Variants in GPR155 observed in about 807,000 individuals in gnomAD.
The protein encoded by GPR155 is lysosomal cholesterol signaling protein.
Under a neutral mutation model 93.1 loss-of-function variants are expected in GPR155, and 65 were observed. That is an observed-to-expected ratio of 0.70 (90% CI 0.57 to 0.86). The LOEUF (loss-of-function observed/expected upper bound fraction) is 0.86, where lower values mean the gene tolerates loss of function less well. Ranked by LOEUF, GPR155 falls within the 40% of genes least tolerant of loss-of-function variation. The pLI, the probability that GPR155 is intolerant of heterozygous loss-of-function variation, is 0.00. For missense variants in GPR155, 838 were observed against 1,034.8 expected, an observed-to-expected ratio of 0.81 and a Z score of 2.61; for synonymous variants, 319 against 360.1, an observed-to-expected ratio of 0.89 and a Z score of 1.29.
intron 2 of GPR155, among the ~76,000 whole-genome samples, chr2:174,480,172 G>C (rs2105738967): frequency 6.6e-6 from 1 of 152,292 alleles, no homozygotes; most frequent in Middle Eastern, 3.4e-3. Context: ...CTGCTCAGAA[G>C]ACATATCATC....
chr2:174,452,649 C>CT (rs142067219), intron 11 of GPR155, among the ~76,000 whole-genome samples: 17,776 of 151,412 alleles, frequency 0.12, 3,475 homozygotes, highest in African/African-American at 0.41. Flanking sequence ...AAGGTTATTA[C>CT]TTTTTTTTTC....
Position 174,436,179 on chromosome 2 carries a change from G to C in GPR155, c.2550C>G (p.Leu850=). 1 of 1,613,952 alleles carries C rather than the reference G, an allele frequency of 6.2e-7. No individual in the cohort carries two copies. The highest frequency in any genetic ancestry group is 1.1e-5 in the South Asian group (1 of 91,078). Residue 850 remains leucine (L), a synonymous_variant, in exon 16 of 16, where the codon CTC becomes CTG. Transcript: ENST00000392552. ...CAATTTCTTTATATCTTTCCTGTTGGAGAGTGTTTGCATTAATAGCAGGAG... is the reference window on the plus strand; with the variant it reads ...CAATTTCTTTATATCTTTCCTGTTGCAGAGTGTTTGCATTAATAGCAGGAG... ...QSPPAINANT[L]QQERYKEIEH...
At chr2:174,470,578 A>G in intron 3 of GPR155, 23 bp from the exon 4 acceptor site, 3 of 1,603,522 alleles carry the variant, frequency 1.9e-6, no homozygotes, top group South Asian at 1.1e-5. Context: ...GAAAAACATC[A>G]TTTACCTGAT....
intron 2 of GPR155, among the ~76,000 whole-genome samples, chr2:174,477,173 A>G (rs185454701): frequency 1.6e-4 from 25 of 152,138 alleles, no homozygotes; most frequent in Admixed American, 5.2e-4. Flanking sequence ...TACTTTTAAA[A>G]CTTTATTTTT....
intron 11 of GPR155, among the ~76,000 whole-genome samples, chr2:174,450,179 G>A (rs989883063): frequency 2.0e-5 from 3 of 150,544 alleles, no homozygotes; most frequent in Non-Finnish European, 3.0e-5. Context: ...GCAGCAACAC[G>A]GATGCATCTG....
rs1007502280 is a variant in GPR155 at position 174,434,207 on chromosome 2, G to A, written c.*1909C>T. The A allele has an allele frequency of 5.3e-5, 8 of 150,156 alleles. No individual in the cohort carries two copies. Among genetic ancestry groups the A allele is most frequent in the East Asian group, 2.0e-4 (1 of 5,126 alleles). The allele number at this position is 150,156 out of a possible 1,614,324, so 9.3% of individuals were successfully genotyped here. On this transcript the variant is annotated 3_prime_UTR_variant, in exon 16 of 16. Transcript: ENST00000392552. ...GCTGGTCTCGAACTCCTGGGCTGAA[G>A]CAATTCACCTGCCTCGGCCTCCCAA...
At chr2:174,452,073 T>C (rs1687336985) in intron 11 of GPR155, among the ~76,000 whole-genome samples, 1 of 152,192 alleles carries the variant, frequency 6.6e-6, no homozygotes, top group African/African-American at 2.4e-5. Flanking sequence ...TACTACTAGG[T>C]ATATTGTGTA....
At chr2:174,469,566 A>G (rs1048809136) in intron 4 of GPR155, among the ~76,000 whole-genome samples, 3 of 152,168 alleles carry the variant, frequency 2.0e-5, no homozygotes, top group African/African-American at 7.2e-5. Flanking sequence ...ATACATTTAG[A>G]CACTGTTAAT....
intron 10 of GPR155, 118 bp downstream of exon 10, chr2:174,459,760 G>T: frequency 1.5e-6 from 1 of 677,986 alleles, no homozygotes; most frequent in East Asian, 2.8e-5. Flanking sequence ...TGGCAGAATC[G>T]CTTAAACACA....
chr2:174,480,190 C>G (rs1335379685), intron 2 of GPR155, among the ~76,000 whole-genome samples: 1 of 152,166 alleles, frequency 6.6e-6, no homozygotes, highest in Non-Finnish European at 1.5e-5. Flanking sequence ...ATCAGAGAGG[C>G]CTTCATTGAC....
chr2:174,476,686 C>A (rs990651184), intron 2 of GPR155, among the ~76,000 whole-genome samples: 10 of 152,252 alleles, frequency 6.6e-5, no homozygotes, highest in Admixed American at 5.2e-4. Context: ...TGCTTATCCA[C>A]CCCATCCTTA....
intron 2 of GPR155, among the ~76,000 whole-genome samples, chr2:174,480,696 C>A (rs1688292977): frequency 6.6e-6 from 1 of 152,088 alleles, no homozygotes; most frequent in South Asian, 2.1e-4. Flanking sequence ...AAAGCTCTCA[C>A]CATTTTTTTT....
chr2:174,447,915 A>G (rs1349024097), intron 11 of GPR155, among the ~76,000 whole-genome samples: 2 of 151,084 alleles, frequency 1.3e-5, no homozygotes, highest in Non-Finnish European at 2.9e-5. Context: ...TAATAACTCA[A>G]GTTTTATCAC....
intron 7 of GPR155, among the ~76,000 whole-genome samples, chr2:174,465,400 G>A (rs1403496191): frequency 6.6e-6 from 1 of 152,190 alleles, no homozygotes; most frequent in Non-Finnish European, 1.5e-5. Context: ...ATGAGGCAGA[G>A]CCAGAATTTC....
At chr2:174,470,345 T>A in intron 4 of GPR155, 45 bp downstream of exon 4, 1 of 1,421,568 alleles carries the variant, frequency 7.0e-7, no homozygotes, top group Non-Finnish European at 9.5e-7. Context: ...AAAAATTTTT[T>A]TCGACTAAAC....
intron 9 of GPR155, 87 bp downstream of exon 9, chr2:174,461,315 G>T: frequency 1.3e-6 from 1 of 791,852 alleles, no homozygotes; most frequent in Non-Finnish European, 2.1e-6. Flanking sequence ...GATTTTCAAA[G>T]TTAATTTTAA....
At chr2:174,438,948 T>C (rs1686872646) in intron 15 of GPR155, among the ~76,000 whole-genome samples, 1 of 152,228 alleles carries the variant, frequency 6.6e-6, no homozygotes, top group Non-Finnish European at 1.5e-5. Context: ...CATTCTGTCA[T>C]CTAATTCAAC....
chr2:174,486,277 C>G (rs554048402), intron 1 of GPR155, among the ~76,000 whole-genome samples: 1 of 152,254 alleles, frequency 6.6e-6, no homozygotes, highest in Middle Eastern at 3.4e-3. Context: ...CTGTGGCCCT[C>G]CAAGATAAGG....
chr2:174,472,280 C>A (rs1277929778), intron 3 of GPR155, among the ~76,000 whole-genome samples: 3 of 152,110 alleles, frequency 2.0e-5, no homozygotes, highest in Non-Finnish European at 2.9e-5. Flanking sequence ...GTGGCAGGCA[C>A]CTGTAATCCC....
Sources: allele counts gnomAD v4.1 joint callset (sites outside exome capture counted in the v4.1 genomes callset), GRCh38; gene constraint gnomAD v4.1.1; transcripts MANE v1.5; gene names NCBI Gene and HGNC (gene_info 2026-07-23, HGNC 2026-07-21).